Variants in GJB7 observed in about 807,000 individuals in gnomAD.
GJB7 encodes the protein gap junction beta-7 protein.
For missense variants in GJB7, 253 were observed against 256.8 expected, an observed-to-expected ratio of 0.99 and a Z score of 0.10; for synonymous variants, 87 against 95.2, an observed-to-expected ratio of 0.91 and a Z score of 0.50.
At position 87,284,713 on chromosome 6, in the gene GJB7, TC is replaced by T; in HGVS notation, c.199del (p.Asp67ThrfsTer15). 5 of 1,614,042 alleles carry T rather than the reference TC, an allele frequency of 3.1e-6. No individual in the cohort carries two copies. The highest frequency in any genetic ancestry group is 4.2e-6 in the Non-Finnish European group (5 of 1,179,994). ...QPGCKNVCFD[D>X]FFPISQVRLW... ...TCTGACTTGGGAAATGGGGAAGAAG[TC>T]ATCAAAACACACATTTTTGCAACCG... is the stretch of plus-strand genomic sequence containing the variant. On this transcript the variant is annotated frameshift_variant, in exon 3 of 3. Coordinates refer to ENST00000525899, the MANE Select transcript of GJB7 (RefSeq NM_198568.3). LOFTEE classifies it low-confidence loss of function (END_TRUNC).
intron 2 of GJB7, 166 bp downstream of exon 2, chr6:87,322,700 A>G (rs935547122): frequency 1.3e-5 from 2 of 152,174 alleles, no homozygotes; most frequent in East Asian, 3.9e-4. Flanking sequence ...CGGCCGCACC[A>G]TCACGCTCCC....
At position 87,295,372 on chromosome 6, in the gene GJB7, G is replaced by A. The variant is rs562803476; in HGVS notation, c.-27-10433C>T. Among the ~76,000 whole-genome samples the A allele has an allele frequency of 3.9e-5, 6 of 152,244 alleles. No individual in the cohort carries two copies. In the South Asian group the frequency reaches 1.2e-3, roughly 32 times the overall value. ...TCAGGAATGCAATAATCATTACTTA[G>A]TAATGATTGACATTTGTGACATCAA... On this transcript the variant is annotated intron_variant, in intron 2 of 2. Coordinates refer to ENST00000525899, the MANE Select transcript of GJB7 (RefSeq NM_198568.3).
chr6:87,293,527 T>G (rs185420490), intron 2 of GJB7, among the ~76,000 whole-genome samples: 1 of 152,248 alleles, frequency 6.6e-6, no homozygotes, highest in East Asian at 1.9e-4. Flanking sequence ...CCAAAGGGTT[T>G]CCATCGTGAT....
chr6:87,302,383 A>C (rs1162980938), intron 2 of GJB7, among the ~76,000 whole-genome samples: 1 of 152,252 alleles, frequency 6.6e-6, no homozygotes, highest in Non-Finnish European at 1.5e-5. Flanking sequence ...TAACCAATGC[A>C]CAAGCTTCAG....
At chr6:87,287,202 A>G (rs568228815) in intron 2 of GJB7, among the ~76,000 whole-genome samples, 1 of 152,332 alleles carries the variant, frequency 6.6e-6, no homozygotes, top group South Asian at 2.1e-4. Flanking sequence ...CCTGCCATGA[A>G]TTTACTTTAT....
At chr6:87,320,133 A>G (rs1405659699) in intron 2 of GJB7, among the ~76,000 whole-genome samples, 1 of 152,178 alleles carries the variant, frequency 6.6e-6, no homozygotes, top group Non-Finnish European at 1.5e-5. Flanking sequence ...ACAGTCAGCA[A>G]TAGTTGATTG....
At chr6:87,324,688 T>C (rs1776771437) in intron 1 of GJB7, among the ~76,000 whole-genome samples, 1 of 151,648 alleles carries the variant, frequency 6.6e-6, no homozygotes, top group South Asian at 2.1e-4. Context: ...TAGTATACTT[T>C]GAAGTCAGGT....
chr6:87,308,142 C>T (rs1050943926), intron 2 of GJB7, among the ~76,000 whole-genome samples: 5 of 151,920 alleles, frequency 3.3e-5, no homozygotes, highest in South Asian at 2.1e-4. Flanking sequence ...AACCAAACAC[C>T]GCATGTTCTC....
In GJB7 at chr6:87,303,919, A is replaced by G. The variant is rs191083188; in HGVS notation, c.-28+18947T>C. 1.8e-3 allele frequency among the ~76,000 whole-genome samples: 275 copies of G among 152,350 alleles called. 2 individuals are homozygous for G. Among genetic ancestry groups the G allele is most frequent in the African/African-American group, 6.4e-3 (267 of 41,568 alleles). ...TGGAAACTGAACAACCTGCCCCTGA[A>G]TGACTACAGGGTACATAATGAAATG... is the stretch of plus-strand genomic sequence containing the variant. On this transcript the variant is annotated intron_variant, in intron 2 of 2. Coordinates refer to ENST00000525899, the MANE Select transcript of GJB7 (RefSeq NM_198568.3).
At chr6:87,300,351 C>A in intron 2 of GJB7, 1 of 207,980 alleles carries the variant, frequency 4.8e-6, no homozygotes, top group Non-Finnish European at 1.1e-5. Context: ...TGCTGGGGTG[C>A]ACTCTGTTAA....
intron 2 of GJB7, among the ~76,000 whole-genome samples, chr6:87,311,162 T>G (rs1476483889): frequency 3.3e-5 from 5 of 152,216 alleles, no homozygotes; most frequent in Non-Finnish European, 7.3e-5. Flanking sequence ...TATTAAGTAT[T>G]GCTGAGAAGA....
At chr6:87,312,613 A>T (rs1398023881) in intron 2 of GJB7, among the ~76,000 whole-genome samples, 2 of 152,340 alleles carry the variant, frequency 1.3e-5, no homozygotes, top group Admixed American at 6.5e-5. Flanking sequence ...ATGCAACAAC[A>T]GTATTAAAGA....
At chr6:87,323,459 G>A (rs1487622926) in intron 1 of GJB7, among the ~76,000 whole-genome samples, 1 of 125,658 alleles carries the variant, frequency 8.0e-6, no homozygotes, top group Non-Finnish European at 1.5e-5. Context: ...AGAGTGTGAT[G>A]TTCCCCTTCC....
intron 2 of GJB7, among the ~76,000 whole-genome samples, chr6:87,302,459 G>T (rs951304757): frequency 6.6e-6 from 1 of 152,162 alleles, no homozygotes; most frequent in Non-Finnish European, 1.5e-5. Context: ...GAAATGAAGC[G>T]AGAAGAGAAG....
At chr6:87,322,433 G>T (rs915744541) in intron 2 of GJB7, 1 of 152,304 alleles carries the variant, frequency 6.6e-6, no homozygotes, top group African/African-American at 2.4e-5. Context: ...CAGACCCCAA[G>T]GAGGGGCGCG....
At chr6:87,306,386 G>A (rs1776428063) in intron 2 of GJB7, among the ~76,000 whole-genome samples, 1 of 152,096 alleles carries the variant, frequency 6.6e-6, no homozygotes, top group African/African-American at 2.4e-5. Context: ...ACACTTCTCA[G>A]AAGAAGACAT....
intron 2 of GJB7, among the ~76,000 whole-genome samples, chr6:87,303,807 G>T (rs1251736731): frequency 1.3e-5 from 2 of 152,092 alleles, no homozygotes; most frequent in Non-Finnish European, 1.5e-5. Flanking sequence ...TAAAAGAATA[G>T]AAATTGTAAC....
intron 2 of GJB7, among the ~76,000 whole-genome samples, chr6:87,312,405 A>C (rs1416005733): frequency 6.6e-6 from 1 of 151,700 alleles, no homozygotes; most frequent in Admixed American, 6.6e-5. Flanking sequence ...CCAGTTACTC[A>C]GGAGGCTGAG....
At position 87,313,606 on chromosome 6, in the gene GJB7, T is replaced by G. The variant is rs140517078; in HGVS notation, c.-28+9260A>C. Among the ~76,000 whole-genome samples the G allele has an allele frequency of 3.6e-3, 552 of 152,362 alleles. 2 individuals carry two copies. The highest frequency in any genetic ancestry group is 0.013 in the African/African-American group (531 of 41,584). ...GAAATGGTTGTTATGTCTGTTGTGT[T>G]GGAGGCTTCACTAGGTCAGAAATAT... On this transcript the variant is annotated intron_variant, in intron 2 of 2. Coordinates refer to ENST00000525899, the MANE Select transcript of GJB7 (RefSeq NM_198568.3).
Sources: gnomAD v4.1 joint callset for allele counts (sites outside exome capture counted in the v4.1 genomes callset) on GRCh38, gnomAD v4.1.1 for gene constraint, MANE v1.5 for transcripts, NCBI Gene and HGNC (gene_info 2026-07-23, HGNC 2026-07-21) for gene names.